Variants in RIN2 observed in about 807,000 individuals in gnomAD.
RIN2 encodes the protein RAB5 interacting protein 2.
A neutral mutation model predicts 78.0 loss-of-function variants in RIN2; 36 were observed. That is an observed-to-expected ratio of 0.46 (90% CI 0.35 to 0.61). The LOEUF (loss-of-function observed/expected upper bound fraction) is 0.61, where lower values mean the gene tolerates loss of function less well. RIN2 is among the 20% of genes least tolerant of loss of function. The pLI is 0.00. For missense variants in RIN2, 1,087 were observed against 1,159.7 expected (o/e 0.94, Z 0.91); for synonymous variants, 466 against 466.8 (o/e 1.00, Z 0.02).
chr20:19,980,064 A>C (rs1231854838), intron 9 of RIN2, among the ~76,000 whole-genome samples: 2 of 151,268 alleles, frequency 1.3e-5, no homozygotes, highest in Non-Finnish European at 3.0e-5. Flanking sequence ...AAAAAAAAAA[A>C]AACTCTTCTG....
At chr20:19,924,716 C>CT (rs869199855) in intron 3 of RIN2, among the ~76,000 whole-genome samples, 3 of 10,984 alleles carry the variant, frequency 2.7e-4, no homozygotes, top group African/African-American at 4.2e-4. Flanking sequence ...ATCCCCACCT[C>CT]TTTTTTTTTT....
chr20:19,957,931 G>A (rs1001620719), intron 5 of RIN2, among the ~76,000 whole-genome samples: 2 of 152,176 alleles, frequency 1.3e-5, no homozygotes, highest in African/African-American at 4.8e-5. Flanking sequence ...ACTTCCAAAG[G>A]ATAAATACAA....
In RIN2 at chr20:19,811,542, G is replaced by C. The variant is rs138174524; in HGVS notation, c.-37+11795G>C. On this transcript the variant is annotated intron_variant, in intron 2 of 12. Coordinates refer to ENST00000255006, the MANE Select transcript of RIN2 (RefSeq NM_018993.4). ...GGAACAGTGGGTGTGGAGGGGACAA[G>C]GGAGGCACCATGAGCATCCATCACA... 5.3e-5 allele frequency among the ~76,000 whole-genome samples: 8 copies of C among 152,304 alleles called. 1 individual carries two copies. The East Asian group carries it at 1.5e-3, about 29-fold the overall frequency.
intron 3 of RIN2, among the ~76,000 whole-genome samples, chr20:19,926,266 G>A (rs2040215809): frequency 6.6e-6 from 1 of 152,118 alleles, no homozygotes; most frequent in African/African-American, 2.4e-5. Flanking sequence ...ATATTCATTT[G>A]TGACATTTGT....
At chr20:19,938,603 T>C (rs2040742654) in intron 4 of RIN2, among the ~76,000 whole-genome samples, 2 of 152,226 alleles carry the variant, frequency 1.3e-5, no homozygotes, top group Admixed American at 1.3e-4. Context: ...AAAAAATATC[T>C]GTGCCTCAGT....
intron 2 of RIN2, among the ~76,000 whole-genome samples, chr20:19,844,695 TTCC>T (rs1207816935): frequency 0.18 from 2,218 of 12,614 alleles, 169 homozygotes; most frequent in African/African-American, 0.29. Context: ...CCTCTTCCTC[TTCC>T]TCTTCTTCTT....
At chr20:19,790,448 G>A (rs754382168) in intron 1 of RIN2, among the ~76,000 whole-genome samples, 5 of 152,086 alleles carry the variant, frequency 3.3e-5, no homozygotes, top group Non-Finnish European at 7.4e-5. Context: ...ATTTATTCCT[G>A]TTAATTTTTC....
chr20:19,940,611 T>C (rs2040830413), intron 4 of RIN2, among the ~76,000 whole-genome samples: 1 of 152,232 alleles, frequency 6.6e-6, no homozygotes, highest in African/African-American at 2.4e-5. Flanking sequence ...TTCTTGCTCC[T>C]GGTTTTCTGC....
At chr20:19,770,940 A>T (rs1049080088) in intron 1 of RIN2, among the ~76,000 whole-genome samples, 2 of 144,328 alleles carry the variant, frequency 1.4e-5, no homozygotes, top group Non-Finnish European at 3.0e-5. Context: ...CAGACCCGGC[A>T]TCAAGTGGGG....
At chr20:19,940,825 C>T (rs1235770346) in intron 4 of RIN2, among the ~76,000 whole-genome samples, 1 of 152,366 alleles carries the variant, frequency 6.6e-6, no homozygotes, top group Non-Finnish European at 1.5e-5. Flanking sequence ...TTGAACCCAT[C>T]CCCTCTAGGC....
At chr20:19,909,881 T>A (rs1204481651) in intron 3 of RIN2, among the ~76,000 whole-genome samples, 3 of 152,216 alleles carry the variant, frequency 2.0e-5, no homozygotes, top group Admixed American at 6.5e-5. Context: ...TACTAGTAAA[T>A]GGGGACCATG....
rs1302371688 is a variant in RIN2 at position 19,934,339 on chromosome 20, C to T, written c.58-760C>T. The stretch of plus-strand genomic sequence containing the variant: ...CTTGAGAACAGCCACTGTACACTTA[C>T]AGTGCCTAGTACGCGCCAGGAAAGA... On this transcript the variant is annotated intron_variant, in intron 3 of 12. Coordinates refer to ENST00000255006, the MANE Select transcript of RIN2 (RefSeq NM_018993.4). The T allele has an allele frequency of 1.6e-5, 4 of 256,162 alleles. No individual in the cohort carries two copies. In the Admixed American group the frequency reaches 1.9e-4, roughly 12 times the overall value. 15.9% of individuals were successfully genotyped at this position (256,162 alleles called of 1,614,324 possible). A position where few individuals can be genotyped will look rare whatever the true frequency, so the allele number is the denominator to read the frequency against.
chr20:19,814,284 C>T (rs936219037), intron 2 of RIN2, among the ~76,000 whole-genome samples: 3 of 152,176 alleles, frequency 2.0e-5, no homozygotes, highest in African/African-American at 4.8e-5. Context: ...CCAATCCAGC[C>T]GCTTGCCTGG....
rs113661750 is a variant in RIN2 at position 19,904,393 on chromosome 20, C to T, written c.57+14735C>T. Among the ~76,000 whole-genome samples, 11 of 151,990 alleles carry T rather than the reference C, an allele frequency of 7.2e-5. 1 individual carries two copies. Among genetic ancestry groups the T allele is most frequent in the African/African-American group, 2.7e-4 (11 of 41,466 alleles). On this transcript the variant is annotated intron_variant, in intron 3 of 12. Transcript: ENST00000255006. Reference sequence around the variant, plus strand: ...ACAATGGTGAGGCCAGCCCTGGGCACCGGGTATGCGGTGCTGGGGGAAGCA... The same window carrying T: ...ACAATGGTGAGGCCAGCCCTGGGCATCGGGTATGCGGTGCTGGGGGAAGCA...
chr20:19,986,628 A>T (rs1048887305), intron 9 of RIN2, among the ~76,000 whole-genome samples: 17 of 151,994 alleles, frequency 1.1e-4, no homozygotes, highest in Non-Finnish European at 2.9e-5. Flanking sequence ...GCTAGTAACG[A>T]CTTTTCTGAT....
At chr20:19,986,253 G>A (rs986964007) in intron 9 of RIN2, among the ~76,000 whole-genome samples, 3 of 151,898 alleles carry the variant, frequency 2.0e-5, no homozygotes, top group African/African-American at 7.3e-5. Flanking sequence ...ATTGGAGAGA[G>A]CCAGCTGGAT....
chr20:19,897,058 G>T (rs1449754477), intron 3 of RIN2, among the ~76,000 whole-genome samples: 3 of 152,008 alleles, frequency 2.0e-5, no homozygotes, highest in South Asian at 2.1e-4. Context: ...TTGAAACCCT[G>T]TGTGTATTTT....
chr20:19,870,186 G>A (rs1315623437), intron 2 of RIN2, among the ~76,000 whole-genome samples: 4 of 152,156 alleles, frequency 2.6e-5, no homozygotes, highest in African/African-American at 9.7e-5. Flanking sequence ...GATGACCCAA[G>A]AATGGAGCCT....
At chr20:19,874,897 A>T (rs1009023821) in intron 2 of RIN2, among the ~76,000 whole-genome samples, 1 of 152,012 alleles carries the variant, frequency 6.6e-6, no homozygotes, top group Non-Finnish European at 1.5e-5. Flanking sequence ...GTCTCACTCC[A>T]TCACCCAGAC....
Sources: allele counts gnomAD v4.1 joint callset (sites outside exome capture counted in the v4.1 genomes callset), GRCh38; gene constraint gnomAD v4.1.1; transcripts MANE v1.5; gene names NCBI Gene and HGNC (gene_info 2026-07-23, HGNC 2026-07-21).